The following KIF26B variants were observed in gnomAD, a reference collection of about 807,000 sequenced individuals.
KIF26B encodes the protein kinesin-like protein KIF26B.
Under a neutral mutation model 151.2 loss-of-function variants are expected in KIF26B, and 63 were observed. The ratio of observed to expected loss-of-function variants is 0.42; its 90% CI spans 0.34 to 0.51. The LOEUF is 0.51. Among genes scored for constraint, KIF26B ranks in the 20% least tolerant of loss-of-function variants. The pLI, the probability that KIF26B is intolerant of heterozygous loss-of-function variation, is 0.07. For missense variants in KIF26B, 2,813 were observed against 2,913.6 expected, an observed-to-expected ratio of 0.97 and a Z score of 0.79; for synonymous variants, 1,357 against 1,262.1, an observed-to-expected ratio of 1.08 and a Z score of -1.59.
Position 245,540,500 on chromosome 1 carries a change from G to C in KIF26B, c.1167-267G>C. On this transcript the variant is annotated intron_variant, in intron 4 of 14. Coordinates refer to ENST00000407071, the MANE Select transcript of KIF26B (RefSeq NM_018012.4). The surrounding 1 kb of genome is among the most constrained non-coding windows in gnomAD (Gnocchi z 4.6). ...GTTCCTGCTTAAGCTGAATGTTGGT[G>C]GATAACACATCATTCTTTGTAAATC... 1 of 660,648 alleles carries C rather than the reference G, an allele frequency of 1.5e-6. No individual in the cohort carries two copies. Among genetic ancestry groups the C allele is most frequent in the African/African-American group, 1.8e-5 (1 of 56,598 alleles). 40.9% of individuals were successfully genotyped at this position (660,648 alleles called of 1,614,324 possible).
intron 2 of KIF26B, among the ~76,000 whole-genome samples, chr1:245,337,172 T>C (rs201405505): frequency 6.0e-5 from 6 of 100,428 alleles, no homozygotes; most frequent in South Asian, 3.2e-4. Flanking sequence ...ATTTATTTAT[T>C]TATCTATTTA....
rs1008550907 is a variant in KIF26B, at chr1:245,606,908, T to G, written c.1558-743T>G. On this transcript the variant is annotated intron_variant, in intron 6 of 14. Transcript: ENST00000407071. The surrounding 1 kb of genome is among the most constrained non-coding windows in gnomAD (Gnocchi z 4.6). ...TGAAACCCCCTCTCTACTAAAAAAA[T>G]GCAAAAAATTAGCCAGGCATGGTGG... is the stretch of plus-strand genomic sequence containing the variant. Among the ~76,000 whole-genome samples the G allele has an allele frequency of 3.3e-5, 5 of 151,400 alleles. 1 individual carries two copies. In the South Asian group the frequency reaches 1.0e-3, roughly 32 times the overall value.
chr1:245,451,585 C>CTTTTTTTTTTTTTTT lies in KIF26B; in HGVS notation c.1166+31854_1166+31868dup, dbSNP rs58192966. Among the ~76,000 whole-genome samples the CTTTTTTTTTTTTTTT allele has an allele frequency of 6.8e-4, 40 of 58,756 alleles. 4 individuals are homozygous for CTTTTTTTTTTTTTTT. Among genetic ancestry groups the CTTTTTTTTTTTTTTT allele is most frequent in the African/African-American group, 1.7e-3 (24 of 14,090 alleles). The allele number at this position is 58,756 out of a possible 152,430, so 38.5% of individuals were successfully genotyped here. ...TATAATATGTATCCAGAAGATCTAT[C>CTTTTTTTTTTTTTTT]TTTTTTTTTTTTTTTTTTTTTTTTT... On this transcript the variant is annotated intron_variant, in intron 4 of 14. Coordinates refer to ENST00000407071, the MANE Select transcript of KIF26B (RefSeq NM_018012.4).
intron 3 of KIF26B, among the ~76,000 whole-genome samples, chr1:245,412,296 A>G (rs1252223839): frequency 6.6e-6 from 1 of 152,230 alleles, no homozygotes; most frequent in East Asian, 1.9e-4. Flanking sequence ...TAATTGTGTA[A>G]GAGAAAATGT....
chr1:245,478,882 G>C (rs1280727367), intron 4 of KIF26B, among the ~76,000 whole-genome samples: 1 of 151,770 alleles, frequency 6.6e-6, no homozygotes, highest in Non-Finnish European at 1.5e-5. Flanking sequence ...ACAGATTCTG[G>C]ATGTATTTTG....
At chr1:245,235,711 A>C (rs988771958) in intron 2 of KIF26B, among the ~76,000 whole-genome samples, 1 of 152,068 alleles carries the variant, frequency 6.6e-6, no homozygotes, top group African/African-American at 2.4e-5. Flanking sequence ...CAGAATATAG[A>C]TAGAAAGGAA....
intron 4 of KIF26B, among the ~76,000 whole-genome samples, chr1:245,515,214 G>A (rs1349078235): frequency 1.3e-5 from 2 of 152,040 alleles, no homozygotes; most frequent in Admixed American, 6.6e-5. Context: ...TCAGCACGAC[G>A]GGTCCTCCTC....
chr1:245,480,368 G>A lies in KIF26B; in HGVS notation c.1167-60399G>A, dbSNP rs190371132. On this transcript the variant is annotated intron_variant, in intron 4 of 14. Transcript: ENST00000407071. Reference sequence around the variant, plus strand: ...GCCTGTTGGCATAACATGTGGAAGCGGGTGACCCACAGTCAGGGGTCAGTC... The same window carrying A: ...GCCTGTTGGCATAACATGTGGAAGCAGGTGACCCACAGTCAGGGGTCAGTC... 1.8e-3 allele frequency among the ~76,000 whole-genome samples: 276 copies of A among 151,864 alleles called. 7 individuals carry two copies. Among genetic ancestry groups the A allele is most frequent in the Non-Finnish European group, 3.2e-3 (215 of 67,778 alleles).
intron 12 of KIF26B, among the ~76,000 whole-genome samples, chr1:245,691,043 C>T (rs1187751329): frequency 6.6e-6 from 1 of 152,230 alleles, no homozygotes; most frequent in African/African-American, 2.4e-5. Flanking sequence ...TGTGTGGCAT[C>T]GGCTGCGTGG....
At chr1:245,483,181 G>T (rs893286261) in intron 4 of KIF26B, among the ~76,000 whole-genome samples, 1 of 151,798 alleles carries the variant, frequency 6.6e-6, no homozygotes, top group South Asian at 2.1e-4. Context: ...CCAAGAGCCT[G>T]GTGAGGAGAA....
At chr1:245,406,210 G>T (rs1201042955) in intron 3 of KIF26B, among the ~76,000 whole-genome samples, 1 of 152,158 alleles carries the variant, frequency 6.6e-6, no homozygotes, top group Non-Finnish European at 1.5e-5. Context: ...CAAAGAGAGG[G>T]GAGATGAGTC....
intron 4 of KIF26B, among the ~76,000 whole-genome samples, chr1:245,480,383 AG>A (rs1660140580): frequency 6.6e-6 from 1 of 151,752 alleles, no homozygotes; most frequent in Non-Finnish European, 1.5e-5. Context: ...ACCCACAGTC[AG>A]GGGTCAGTCT....
rs1375273705 is a variant in KIF26B, at chr1:245,627,756, G to A, written c.2098+15780G>A. 3.3e-5 allele frequency among the ~76,000 whole-genome samples: 5 copies of A among 151,502 alleles called. No individual in the cohort carries two copies. The East Asian group carries it at 7.8e-4, about 24-fold the overall frequency. ...TTCACTAGACTAATAAAGAAGAAAAGGAGAAGAATCAAACAGACACAATAG... is the reference window on the plus strand; with the variant it reads ...TTCACTAGACTAATAAAGAAGAAAAAGAGAAGAATCAAACAGACACAATAG... On this transcript the variant is annotated intron_variant, in intron 9 of 14. Transcript: ENST00000407071.
rs886794591 is a variant in KIF26B, at chr1:245,688,428, C to T, written c.5445C>T (p.Gly1815=). 66 of 1,414,810 alleles carry T rather than the reference C, an allele frequency of 4.7e-5. No homozygotes were observed. Among genetic ancestry groups the T allele is most frequent in the Non-Finnish European group, 5.0e-5 (55 of 1,090,638 alleles). 87.6% of individuals were successfully genotyped at this position (1,414,810 alleles called of 1,614,324 possible). A position where few individuals can be genotyped will look rare whatever the true frequency, so the allele number is the denominator to read the frequency against. Residue 1815 remains glycine (G), a synonymous_variant, in exon 12 of 15, where the codon GGC becomes GGT. Transcript: ENST00000407071. Reference sequence around the variant, plus strand: ...GCATCTCGGAGCTGCTGCAGGGTGGCGCGGGCGCCCGGGGCTTGCAGCTGC... The same window carrying T: ...GCATCTCGGAGCTGCTGCAGGGTGGTGCGGGCGCCCGGGGCTTGCAGCTGC... ...SGRISELLQG[G]AGARGLQLRA...
intron 10 of KIF26B, among the ~76,000 whole-genome samples, chr1:245,662,941 T>G (rs1410301556): frequency 6.7e-6 from 1 of 150,248 alleles, no homozygotes; most frequent in Non-Finnish European, 1.5e-5. Flanking sequence ...AGAGAGCTCT[T>G]GCTTGCTCTC....
At chr1:245,196,743 C>G (rs1669202599) in intron 2 of KIF26B, among the ~76,000 whole-genome samples, 1 of 152,170 alleles carries the variant, frequency 6.6e-6, no homozygotes, top group South Asian at 2.1e-4. Context: ...AAAATCCCAT[C>G]AAAATCTTAC....
At chr1:245,474,599 G>A (rs934576176) in intron 4 of KIF26B, among the ~76,000 whole-genome samples, 1 of 151,368 alleles carries the variant, frequency 6.6e-6, no homozygotes, top group African/African-American at 2.4e-5. Context: ...TTTTAGTAGA[G>A]ATGGGGTTTC....
chr1:245,645,081 C>T (rs886649361), intron 9 of KIF26B, among the ~76,000 whole-genome samples: 5 of 152,152 alleles, frequency 3.3e-5, no homozygotes, highest in African/African-American at 1.2e-4. Flanking sequence ...AGCAAGAACT[C>T]ACTCATTACC....
intron 2 of KIF26B, chr1:245,234,442 G>T (rs1314048971): frequency 6.6e-6 from 1 of 152,376 alleles, no homozygotes; most frequent in Non-Finnish European, 1.5e-5. Context: ...CTCGTGGGGT[G>T]CTCCATGGAG....
Sources: allele counts gnomAD v4.1 joint callset (sites outside exome capture counted in the v4.1 genomes callset), GRCh38; gene constraint gnomAD v4.1.1; non-coding constraint Gnocchi (gnomAD v3.1); transcripts MANE v1.5; gene names NCBI Gene and HGNC (gene_info 2026-07-23, HGNC 2026-07-21).